The following TMEM132D variants were observed in gnomAD, a reference collection of about 807,000 sequenced individuals.
TMEM132D encodes mature OL transmembrane protein.
TMEM132D carries 21 observed loss-of-function variants against 62.3 expected under a neutral mutation model. That is an observed-to-expected ratio of 0.34 (90% CI 0.24 to 0.49). The LOEUF (loss-of-function observed/expected upper bound fraction) is 0.49. TMEM132D is among the 20% of genes least tolerant of loss of function. TMEM132D has a pLI of 0.99. For synonymous variants in TMEM132D, 621 were observed against 575.6 expected, an observed-to-expected ratio of 1.08 and a Z score of -1.13; for missense variants, 1,346 against 1,402.8, an observed-to-expected ratio of 0.96 and a Z score of 0.65.
intron 1 of TMEM132D, among the ~76,000 whole-genome samples, chr12:129,873,780 G>C (rs1309742108): frequency 2.6e-5 from 4 of 152,178 alleles, no homozygotes; most frequent in Non-Finnish European, 5.9e-5. Flanking sequence ...AACACACAGA[G>C]AGAACTAGAG....
intron 1 of TMEM132D, among the ~76,000 whole-genome samples, chr12:129,879,049 C>A (rs950303315): frequency 6.6e-6 from 1 of 152,208 alleles, no homozygotes; most frequent in African/African-American, 2.4e-5. Flanking sequence ...ATTTGTAGAA[C>A]CAATTTATTT....
In TMEM132D at chr12:129,343,368, C is replaced by T. The variant is rs377662995; in HGVS notation, c.1116-5551G>A. Among the ~76,000 whole-genome samples the T allele has an allele frequency of 3.6e-4, 54 of 149,362 alleles. 1 individual carries two copies. The East Asian group carries it at 8.0e-3, about 22-fold the overall frequency. ...GCATGTTCTCACTCATAGGTGGGAA[C>T]TGAACAATGAGAACACATGGACAGA... is the stretch of plus-strand genomic sequence containing the variant. On this transcript the variant is annotated intron_variant, in intron 3 of 8. Transcript: ENST00000422113.
rs1874152125 is a variant in TMEM132D, at chr12:129,073,785, CTTTG to C, written c.*86_*89del. ...GTGTCATCCTTATTTTGTCCTGCTG[CTTTG>C]TTTCTCTTCCGGGGGCACCGTTGCT... On this transcript the variant is annotated 3_prime_UTR_variant, in exon 9 of 9. Coordinates refer to ENST00000422113, the MANE Select transcript of TMEM132D (RefSeq NM_133448.3). The C allele has an allele frequency of 8.3e-7, 1 of 1,202,876 alleles. No homozygotes were observed. Among genetic ancestry groups the C allele is most frequent in the Non-Finnish European group, 1.2e-6 (1 of 853,356 alleles). 74.5% of individuals were successfully genotyped at this position (1,202,876 alleles called of 1,614,324 possible).
chr12:129,439,701 G>A (rs981978514), intron 3 of TMEM132D, among the ~76,000 whole-genome samples: 1 of 152,102 alleles, frequency 6.6e-6, no homozygotes, highest in Non-Finnish European at 1.5e-5. Flanking sequence ...CACCTGCCTC[G>A]GCCTCCCAAA....
chr12:129,212,127 A>G (rs560799795), intron 4 of TMEM132D: 1 of 152,370 alleles, frequency 6.6e-6, no homozygotes, highest in East Asian at 1.9e-4. Context: ...CATTCGTGGT[A>G]AAAACTGAAG....
intron 2 of TMEM132D, among the ~76,000 whole-genome samples, chr12:129,537,707 C>T (rs75348669): frequency 6.6e-6 from 1 of 152,074 alleles, no homozygotes; most frequent in Non-Finnish European, 1.5e-5. Context: ...GAGAACAGTT[C>T]GAGGAGACCA....
intron 4 of TMEM132D, among the ~76,000 whole-genome samples, chr12:129,218,321 G>T (rs1198385239): frequency 3.9e-5 from 6 of 152,168 alleles, no homozygotes; most frequent in African/African-American, 1.4e-4. Context: ...GAAATGCATT[G>T]TTAGGCGATT....
chr12:129,144,956 C>T (rs948757073), intron 5 of TMEM132D, among the ~76,000 whole-genome samples: 3 of 149,982 alleles, frequency 2.0e-5, no homozygotes, highest in African/African-American at 5.1e-5. Context: ...CTAAAGTGAT[C>T]GTTCTTTTAA....
chr12:129,376,742 TG>T (rs1351606876), intron 3 of TMEM132D, among the ~76,000 whole-genome samples: 4 of 152,150 alleles, frequency 2.6e-5, no homozygotes, highest in Admixed American at 6.5e-5. Context: ...GAAGTGGAAG[TG>T]GTTAGGCTTC....
At chr12:129,626,699 G>A (rs1352290038) in intron 2 of TMEM132D, among the ~76,000 whole-genome samples, 2 of 152,016 alleles carry the variant, frequency 1.3e-5, no homozygotes, top group South Asian at 2.1e-4. Flanking sequence ...CAAGTGATCC[G>A]CCCTCCTCAG....
chr12:129,380,672 A>G (rs1870923833), intron 3 of TMEM132D, among the ~76,000 whole-genome samples: 4 of 152,018 alleles, frequency 2.6e-5, no homozygotes, highest in Admixed American at 2.6e-4. Flanking sequence ...TTCTATCCCC[A>G]CAAGGCTCCT....
intron 3 of TMEM132D, among the ~76,000 whole-genome samples, chr12:129,432,194 G>T (rs1470972185): frequency 1.3e-5 from 2 of 148,522 alleles, no homozygotes; most frequent in Non-Finnish European, 3.0e-5. Flanking sequence ...TGGATGGATG[G>T]ATGGATGGTT....
chr12:129,381,061 T>G (rs924981312), intron 3 of TMEM132D, among the ~76,000 whole-genome samples: 13 of 152,176 alleles, frequency 8.5e-5, no homozygotes, highest in African/African-American at 2.9e-4. Flanking sequence ...AGCCTGGTAG[T>G]AGCAACTTTG....
At chr12:129,819,597 T>C (rs1872486968) in intron 1 of TMEM132D, among the ~76,000 whole-genome samples, 3 of 152,114 alleles carry the variant, frequency 2.0e-5, no homozygotes, top group African/African-American at 4.8e-5. Flanking sequence ...GTCACACTTT[T>C]GCCTCTTCAT....
intron 1 of TMEM132D, among the ~76,000 whole-genome samples, chr12:129,865,014 C>T (rs748927985): frequency 6.6e-6 from 1 of 152,086 alleles, no homozygotes; most frequent in African/African-American, 2.4e-5. Flanking sequence ...CATCATGGAG[C>T]CTCCAATGTC....
At chr12:129,419,734 C>T (rs992603324) in intron 3 of TMEM132D, among the ~76,000 whole-genome samples, 1 of 152,104 alleles carries the variant, frequency 6.6e-6, no homozygotes, top group Non-Finnish European at 1.5e-5. Context: ...GATGTCTTTA[C>T]TGCATCTATA....
chr12:129,875,041 G>T (rs1212683811), intron 1 of TMEM132D, among the ~76,000 whole-genome samples: 1 of 152,244 alleles, frequency 6.6e-6, no homozygotes, highest in Admixed American at 6.5e-5. Context: ...CATATAAAAA[G>T]CATGTGTAAT....
chr12:129,782,027 G>A (rs1452570254), intron 1 of TMEM132D, among the ~76,000 whole-genome samples: 1 of 152,170 alleles, frequency 6.6e-6, no homozygotes, highest in African/African-American at 2.4e-5. Context: ...TCATGACGAG[G>A]TTAATGTCTC....
chr12:129,132,023 G>A (rs1310360806), intron 5 of TMEM132D, among the ~76,000 whole-genome samples: 1 of 152,168 alleles, frequency 6.6e-6, no homozygotes, highest in Admixed American at 6.5e-5. Flanking sequence ...CTGGGACAAA[G>A]TAATTATCTC....
Sources: gnomAD v4.1 joint callset for allele counts (sites outside exome capture counted in the v4.1 genomes callset) on GRCh38, gnomAD v4.1.1 for gene constraint, MANE v1.5 for transcripts, NCBI Gene and HGNC (gene_info 2026-07-23, HGNC 2026-07-21) for gene names.